The following IL1RAPL1 variants were observed in gnomAD, a reference collection of about 807,000 sequenced individuals.
IL1RAPL1 encodes the protein interleukin-1 receptor accessory protein-like 1.
Under a neutral mutation model 48.4 loss-of-function variants are expected in IL1RAPL1, and 3 were observed. The observed-to-expected ratio is 0.06, with a 90% CI of 0.03 to 0.16. IL1RAPL1 has a LOEUF of 0.16. Ranked by LOEUF, IL1RAPL1 falls within the 10% of genes least tolerant of loss-of-function variation. The pLI is 1.00. For missense variants in IL1RAPL1, 349 were observed against 530.6 expected, an observed-to-expected ratio of 0.66 and a Z score of 3.36; for synonymous variants, 185 against 187.7, an observed-to-expected ratio of 0.99 and a Z score of 0.12.
intron 3 of IL1RAPL1, among the ~76,000 whole-genome samples, chrX:29,319,558 G>GTATCTATCTATC (rs753188364): frequency 0.012 from 990 of 81,959 alleles, 8 homozygotes; most frequent in South Asian, 0.033. Flanking sequence ...ATGTATGTAT[G>GTATCTATCTATC]TATCTATCTA....
At chrX:29,798,210 G>A (rs1383127896) in intron 6 of IL1RAPL1, among the ~76,000 whole-genome samples, 2 of 112,119 alleles carry the variant, frequency 1.8e-5, no homozygotes, top group Non-Finnish European at 3.8e-5. Flanking sequence ...GGTCTGCCGT[G>A]AGTGAGATCT....
At chrX:29,706,465 G>A (rs1927198429) in intron 6 of IL1RAPL1, among the ~76,000 whole-genome samples, 1 of 111,557 alleles carries the variant, frequency 9.0e-6, no homozygotes, top group Non-Finnish European at 1.9e-5. Flanking sequence ...ATACAGTGGG[G>A]GTACAGGCAT....
At chrX:29,634,370 AAAAAT>A (rs1471891155) in intron 5 of IL1RAPL1, among the ~76,000 whole-genome samples, 1 of 112,003 alleles carries the variant, frequency 8.9e-6, no homozygotes, top group Non-Finnish European at 1.9e-5. Context: ...GCTTTATAAA[AAAAAT>A]AAAACAGAGA....
intron 2 of IL1RAPL1, among the ~76,000 whole-genome samples, chrX:29,129,410 C>T (rs1928969386): frequency 9.1e-6 from 1 of 110,130 alleles, no homozygotes; most frequent in Non-Finnish European, 1.9e-5. Flanking sequence ...TTGATAGCAA[C>T]CATAAATGCT....
intron 6 of IL1RAPL1, among the ~76,000 whole-genome samples, chrX:29,850,863 C>T (rs763992869): frequency 3.4e-4 from 38 of 112,198 alleles, no homozygotes; most frequent in African/African-American, 1.1e-3. Context: ...AACTTCATCT[C>T]GAACTTCGAG....
intron 2 of IL1RAPL1, among the ~76,000 whole-genome samples, chrX:29,133,928 A>G (rs1441129748): frequency 1.8e-5 from 2 of 111,901 alleles, no homozygotes; most frequent in Non-Finnish European, 3.8e-5. Context: ...TCATATAGTT[A>G]GAATCATAAA....
intron 2 of IL1RAPL1, among the ~76,000 whole-genome samples, chrX:29,277,647 A>G (rs1462458127): frequency 8.9e-6 from 1 of 111,990 alleles, no homozygotes; most frequent in Non-Finnish European, 1.9e-5. Context: ...CGCTCTCCCT[A>G]CTTTTTAGTT....
intron 2 of IL1RAPL1, among the ~76,000 whole-genome samples, chrX:29,082,714 G>C (rs1033657074): frequency 3.6e-5 from 4 of 111,738 alleles, no homozygotes; most frequent in African/African-American, 1.3e-4. Flanking sequence ...TCTTTTACGT[G>C]CACATGAAAT....
At chrX:29,753,616 G>A (rs183888455) in intron 6 of IL1RAPL1, among the ~76,000 whole-genome samples, 1 of 111,214 alleles carries the variant, frequency 9.0e-6, no homozygotes, top group East Asian at 2.8e-4. Context: ...GCTCTGCATG[G>A]TGTAAGGATG....
intron 6 of IL1RAPL1, among the ~76,000 whole-genome samples, chrX:29,879,167 A>G (rs771473885): frequency 2.7e-5 from 3 of 111,363 alleles, no homozygotes; most frequent in African/African-American, 9.8e-5. Flanking sequence ...AAAAGGTTAC[A>G]CACTGTATAA....
chrX:28,974,243 T>C (rs948782977), intron 2 of IL1RAPL1, among the ~76,000 whole-genome samples: 3 of 111,881 alleles, frequency 2.7e-5, no homozygotes, highest in African/African-American at 9.8e-5. Context: ...ATATGAAAAA[T>C]GTAAATAATA....
chrX:29,126,265 T>C (rs1266019033), intron 2 of IL1RAPL1, among the ~76,000 whole-genome samples: 1 of 111,871 alleles, frequency 8.9e-6, no homozygotes, highest in African/African-American at 3.2e-5. Flanking sequence ...TGATAATTTC[T>C]AGGGGTGATT....
intron 3 of IL1RAPL1, among the ~76,000 whole-genome samples, chrX:29,287,062 A>G (rs1252048877): frequency 3.6e-5 from 4 of 110,885 alleles, no homozygotes; most frequent in Non-Finnish European, 7.6e-5. Flanking sequence ...GGCCCCTCCT[A>G]TTGTTCTTTT....
chrX:29,031,460 A>G lies in IL1RAPL1; in HGVS notation c.82+242035A>G, dbSNP rs192972738. On this transcript the variant is annotated intron_variant, in intron 2 of 10. Coordinates refer to ENST00000378993, the MANE Select transcript of IL1RAPL1 (RefSeq NM_014271.4). ...GAGAAGGCAAAATATTCTCCCAGGA[A>G]GATGGAGAAGAGTGGTCATTGTGGA... Among the ~76,000 whole-genome samples, 49 of 112,012 alleles carry G rather than the reference A, an allele frequency of 4.4e-4. 1 individual carries two copies. Among genetic ancestry groups the G allele is most frequent in the Non-Finnish European group, 4.9e-4 (26 of 53,127 alleles).
chrX:29,342,087 G>A (rs375971641), intron 3 of IL1RAPL1, among the ~76,000 whole-genome samples: 7 of 109,125 alleles, frequency 6.4e-5, no homozygotes, highest in African/African-American at 1.7e-4. Context: ...GATTACAGGC[G>A]TGAGCCACTG....
chrX:29,270,295 GT>G (rs1932020735), intron 2 of IL1RAPL1, among the ~76,000 whole-genome samples: 1 of 111,794 alleles, frequency 8.9e-6, no homozygotes, highest in Admixed American at 9.5e-5. Flanking sequence ...CGTGAAGTTA[GT>G]CCATTTGTTC....
At chrX:28,711,220 A>G (rs1935436105) in intron 1 of IL1RAPL1, among the ~76,000 whole-genome samples, 2 of 111,833 alleles carry the variant, frequency 1.8e-5, no homozygotes, top group African/African-American at 6.5e-5. Flanking sequence ...TTGAAAGTAG[A>G]AACAGTGTAG....
intron 2 of IL1RAPL1, among the ~76,000 whole-genome samples, chrX:29,172,240 G>A (rs939800833): frequency 9.0e-6 from 1 of 111,689 alleles, no homozygotes; most frequent in African/African-American, 3.3e-5. Flanking sequence ...GAAAGCAATT[G>A]TATGATCCTA....
intron 6 of IL1RAPL1, among the ~76,000 whole-genome samples, chrX:29,693,576 A>C (rs1396134947): frequency 1.8e-5 from 2 of 112,449 alleles, no homozygotes; most frequent in Non-Finnish European, 3.8e-5. Context: ...CTAAACTGTC[A>C]ACAAGTCTTC....
Sources: allele counts gnomAD v4.1 joint callset (sites outside exome capture counted in the v4.1 genomes callset), GRCh38; gene constraint gnomAD v4.1.1; transcripts MANE v1.5; gene names NCBI Gene and HGNC (gene_info 2026-07-23, HGNC 2026-07-21).